STKLD1: variants seen among roughly 807,000 people sequenced by gnomAD.
STKLD1 encodes the protein serine/threonine kinase like domain containing 1.
In STKLD1, 79 loss-of-function variants were observed where a neutral mutation model predicts 80.4. The observed-to-expected ratio is 0.98, with a 90% CI of 0.82 to 1.19. The LOEUF (loss-of-function observed/expected upper bound fraction) is 1.19, where lower values mean the gene tolerates loss of function less well. STKLD1 is among the 50% of genes most tolerant of loss of function. STKLD1 has a pLI of 0.00. For missense variants in STKLD1, 841 were observed against 856.0 expected, an observed-to-expected ratio of 0.98 and a Z score of 0.22; for synonymous variants, 393 against 357.6, an observed-to-expected ratio of 1.10 and a Z score of -1.12.
intron 13 of STKLD1, among the ~76,000 whole-genome samples, 172 bp downstream of exon 13, chr9:133,402,050 C>G (rs994349275): frequency 6.6e-6 from 1 of 152,194 alleles, no homozygotes; most frequent in African/African-American, 2.4e-5. Flanking sequence ...AAATGCTGGT[C>G]GCATCCTTTT....
At chr9:133,379,365 G>A (rs1588734292) in intron 2 of STKLD1, among the ~76,000 whole-genome samples, 1 of 152,194 alleles carries the variant, frequency 6.6e-6, no homozygotes, top group African/African-American at 2.4e-5. Context: ...TACGCATCAC[G>A]TGCTGTATGC....
At chr9:133,397,930 G>C (rs587737205) in intron 10 of STKLD1, 42 bp from the exon 11 acceptor site, 1 of 1,564,974 alleles carries the variant, frequency 6.4e-7, no homozygotes, top group African/African-American at 1.4e-5. Context: ...CCGAGGCCCT[G>C]GTCCTCAGAA....
At chr9:133,391,229 A>G (rs1205095736) in intron 7 of STKLD1, among the ~76,000 whole-genome samples, 2 of 143,162 alleles carry the variant, frequency 1.4e-5, no homozygotes, top group African/African-American at 5.4e-5. Flanking sequence ...CCTGTCCGGG[A>G]GGGAGGTGGG....
intron 8 of STKLD1, among the ~76,000 whole-genome samples, chr9:133,395,266 T>C: frequency 6.6e-6 from 1 of 152,140 alleles, no homozygotes; most frequent in African/African-American, 2.4e-5. Flanking sequence ...GAAATTAGCC[T>C]GAGCTCCAGC....
Position 133,376,449 on chromosome 9 carries a change from C to A in STKLD1, c.-25C>A. The A allele has an allele frequency of 6.4e-7, 1 of 1,555,478 alleles. No homozygotes were observed. ...CGGGGTGGGGCCAGGGGTGGACGCT[C>A]GCCCGTACGCGGTCGCTACTGATCA... is the stretch of plus-strand genomic sequence containing the variant. On this transcript the variant is annotated 5_prime_UTR_variant, in exon 1 of 18. Coordinates refer to ENST00000371957, the MANE Select transcript of STKLD1 (RefSeq NM_153710.5).
At chr9:133,381,369 G>A (rs1472294610) in intron 2 of STKLD1, among the ~76,000 whole-genome samples, 2 of 151,068 alleles carry the variant, frequency 1.3e-5, no homozygotes, top group Non-Finnish European at 2.9e-5. Flanking sequence ...GGCTGGTCTC[G>A]AACTCCCGAC....
chr9:133,386,214 T>G (rs1180203955), intron 4 of STKLD1, among the ~76,000 whole-genome samples: 1 of 152,172 alleles, frequency 6.6e-6, no homozygotes, highest in Non-Finnish European at 1.5e-5. Context: ...CCACCACGCC[T>G]GACCAGGAGG....
In STKLD1 at chr9:133,383,857, T is replaced by G. The variant is rs2130271200; in HGVS notation, c.176T>G (p.Val59Gly). 6.2e-7 allele frequency: 1 copy of G among 1,613,906 alleles called. No homozygotes were observed. Among genetic ancestry groups the G allele is most frequent in the South Asian group, 1.1e-5 (1 of 91,082 alleles). The change falls in exon 3 of 18, where the codon GTG becomes GGG. Residue 59 changes from valine (V) to glycine (G), a missense_variant and splice_region_variant. Physicochemically the swap from Val to Gly is moderately radical, Grantham distance 109. Transcript: ENST00000371957. ...ETKVKHVIKQ[V>G]ECMDDHYASQ... ...GCTCATGCTCTTGTGCCCTTGCAGG[T>G]GGAATGCATGGATGACCATTACGCC...
chr9:133,405,265 G>C lies in STKLD1; in HGVS notation c.1887G>C (p.Pro629=). 1 of 1,607,368 alleles carries C rather than the reference G, an allele frequency of 6.2e-7. No individual in the cohort carries two copies. Among genetic ancestry groups the C allele is most frequent in the Non-Finnish European group, 8.5e-7 (1 of 1,176,634 alleles). The change falls in exon 18 of 18, where the codon CCG becomes CCC. Residue 629 remains proline, a synonymous_variant. Coordinates refer to ENST00000371957, the MANE Select transcript of STKLD1 (RefSeq NM_153710.5). ...CTCCACCTGCAGAGGAGATCCTGCC[G>C]GAGCTGGTGTCCAGTAGTATGAAGG... ...VHLASYEEIL[P]ELVSSSMKAL...
chr9:133,389,081 T>C lies in STKLD1; in HGVS notation c.397-445T>C, dbSNP rs1838326870. 1.0e-6 allele frequency: 1 copy of C among 985,278 alleles called. No homozygotes were observed. The highest frequency in any genetic ancestry group is 1.7e-5 in the African/African-American group (1 of 57,230). 61.0% of individuals were successfully genotyped at this position (985,278 alleles called of 1,614,324 possible). A position where few individuals can be genotyped will look rare whatever the true frequency, so the allele number is the denominator to read the frequency against. ...CTGGGTACTCGATGGAGCTTGTCTCTGATGCAGAACACTCCTAGCATTCTC... is the reference window on the plus strand; with the variant it reads ...CTGGGTACTCGATGGAGCTTGTCTCCGATGCAGAACACTCCTAGCATTCTC... On this transcript the variant is annotated intron_variant, in intron 5 of 17. Transcript: ENST00000371957. The surrounding 1 kb of genome is among the most constrained non-coding windows in gnomAD (Gnocchi z 6.4).
At chr9:133,377,670 A>G (rs1200485224) in intron 1 of STKLD1, among the ~76,000 whole-genome samples, 1 of 130,318 alleles carries the variant, frequency 7.7e-6, no homozygotes, top group Non-Finnish European at 1.6e-5. Context: ...TCTCAGAAAG[A>G]AAAAAAAAAA....
At chr9:133,393,183 GATGAGTGCA>G (rs1838452900) in intron 7 of STKLD1, among the ~76,000 whole-genome samples, 1 of 121,044 alleles carries the variant, frequency 8.3e-6, no homozygotes, top group Non-Finnish European at 1.8e-5. Context: ...GGATGGATTG[GATGAGTGCA>G]TGGATGGATG....
chr9:133,390,688 A>T lies in STKLD1; in HGVS notation c.475A>T (p.Lys159Ter). 1 of 1,613,336 alleles carries T rather than the reference A, an allele frequency of 6.2e-7. No individual in the cohort carries two copies. The highest frequency in any genetic ancestry group is 8.5e-7 in the Non-Finnish European group (1 of 1,179,700). The change falls in exon 7 of 18, where the codon AAA becomes TAA. Residue 159 changes from lysine to a stop codon, truncating the protein, a stop_gained. Transcript: ENST00000371957. LOFTEE classifies it high-confidence loss of function. This position sits in a 1 kb window ranked among gnomAD's most constrained non-coding sequence, Gnocchi z 5.1. Reference protein sequence around the residue: ...HHLDIIHRNLKPSNIILISSD... With the variant: ...HHLDIIHRNL The stretch of plus-strand genomic sequence containing the variant: ...CCCACCTCTTGGTTTCAGGAATCTC[A>T]AACCCTCCAACATCATCCTCATCAG...
At chr9:133,378,177 C>G (rs987182598) in intron 1 of STKLD1, among the ~76,000 whole-genome samples, 1 of 152,192 alleles carries the variant, frequency 6.6e-6, no homozygotes, top group Non-Finnish European at 1.5e-5. Flanking sequence ...AGGTTGGGGA[C>G]CCCTGGCTTA....
Position 133,385,760 on chromosome 9 carries a change from C to A in STKLD1, c.294+69C>A. The A allele has an allele frequency of 1.4e-6, 2 of 1,398,798 alleles. No homozygotes were observed. Among genetic ancestry groups the A allele is most frequent in the Non-Finnish European group, 2.0e-6 (2 of 993,362 alleles). 86.6% of individuals were successfully genotyped at this position (1,398,798 alleles called of 1,614,324 possible). A position where few individuals can be genotyped will look rare whatever the true frequency, so the allele number is the denominator to read the frequency against. On this transcript the variant is annotated intron_variant, in intron 4 of 17. Coordinates refer to ENST00000371957, the MANE Select transcript of STKLD1 (RefSeq NM_153710.5). This position sits in a 1 kb window ranked among gnomAD's most constrained non-coding sequence, Gnocchi z 4.9. ...GGCTGCAGGACCAAGCAGACTGAGC[C>A]CAGAGCACGCCCACCCCCCACTGTC...
intron 12 of STKLD1, among the ~76,000 whole-genome samples, chr9:133,400,943 G>A (rs993431374): frequency 4.6e-5 from 7 of 152,298 alleles, no homozygotes; most frequent in South Asian, 2.1e-4. Flanking sequence ...AGCTGGACAC[G>A]AGGTCCTCTG....
At chr9:133,386,063 C>T (rs2130276521) in intron 4 of STKLD1, among the ~76,000 whole-genome samples, 5 of 151,990 alleles carry the variant, frequency 3.3e-5, no homozygotes, top group Non-Finnish European at 5.9e-5. Flanking sequence ...GGATTACAGG[C>T]GCGTGCCATG....
Position 133,391,782 on chromosome 9 carries a change from C to T in STKLD1, c.583+986C>T, listed in dbSNP as rs2130290166. On this transcript the variant is annotated intron_variant, in intron 7 of 17. Transcript: ENST00000371957. ...TGTTTATCTGCTGACCTTCCCTCTA[C>T]TATTGTCCTATGACCCTGCCAAATC... 7.3e-3 allele frequency among the ~76,000 whole-genome samples: 1,112 copies of T among 151,392 alleles called. 18 individuals carry two copies. Among genetic ancestry groups the T allele is most frequent in the African/African-American group, 0.025 (1,044 of 41,168 alleles).
intron 2 of STKLD1, among the ~76,000 whole-genome samples, chr9:133,381,131 C>CTTTTTTTTTTTTT (rs35031853): frequency 2.9e-5 from 2 of 69,166 alleles, no homozygotes; most frequent in Non-Finnish European, 5.2e-5. Flanking sequence ...TACGATGTAA[C>CTTTTTTTTTTTTT]TTTTTTTTTT....
Sources: gnomAD v4.1 joint callset for allele counts (sites outside exome capture counted in the v4.1 genomes callset) on GRCh38, gnomAD v4.1.1 for gene constraint, Gnocchi (gnomAD v3.1) non-coding constraint, MANE v1.5 for transcripts, NCBI Gene and HGNC (gene_info 2026-07-23, HGNC 2026-07-21) for gene names.